The following DNM3 variants were observed in gnomAD, a reference collection of about 807,000 sequenced individuals.
The protein encoded by DNM3 is dynamin 3.
A neutral mutation model predicts 101.6 loss-of-function variants in DNM3; 47 were observed. That is an observed-to-expected ratio of 0.46 (90% confidence interval 0.37 to 0.59). The LOEUF (loss-of-function observed/expected upper bound fraction) is 0.59. Ranked by LOEUF, DNM3 falls within the 20% of genes least tolerant of loss-of-function variation. The pLI is 0.00. For missense variants in DNM3, 849 were observed against 1,085.7 expected (o/e 0.78, Z 3.06); for synonymous variants, 385 against 387.9 (o/e 0.99, Z 0.09).
intron 12 of DNM3, among the ~76,000 whole-genome samples, chr1:172,087,939 C>T (rs2053645562): frequency 6.6e-6 from 1 of 152,192 alleles, no homozygotes; most frequent in Non-Finnish European, 1.5e-5. Context: ...CCAGTCTGAC[C>T]ACTTTGGGAT....
chr1:172,406,204 G>A (rs1471631947), intron 20 of DNM3, among the ~76,000 whole-genome samples: 4 of 151,958 alleles, frequency 2.6e-5, no homozygotes, highest in Non-Finnish European at 5.9e-5. Context: ...GGGAAGGCAG[G>A]TCAGGGAAGG....
At chr1:171,852,879 G>T (rs2033141847) in intron 1 of DNM3, among the ~76,000 whole-genome samples, 1 of 149,904 alleles carries the variant, frequency 6.7e-6, no homozygotes, top group Non-Finnish European at 1.5e-5. Context: ...GGACTTTGAA[G>T]GTTTTTTGTT....
chr1:172,379,009 T>G lies in DNM3; in HGVS notation c.1894-9T>G, dbSNP rs752561010. The G allele has an allele frequency of 3.7e-6, 6 of 1,606,250 alleles. No homozygotes were observed. The highest frequency in any genetic ancestry group is 5.1e-6 in the Non-Finnish European group (6 of 1,176,874). On this transcript the variant is annotated splice_polypyrimidine_tract_variant and intron_variant, in intron 17 of 20. Coordinates refer to ENST00000627582, the MANE Select transcript of DNM3 (RefSeq NM_015569.5). The stretch of plus-strand genomic sequence containing the variant: ...GAGATAATCCATGGTTTGTTTTCTC[T>G]TCTTTTAGGCTGAAAATGATGAGAA...
intron 14 of DNM3, among the ~76,000 whole-genome samples, chr1:172,217,582 A>G (rs182961916): frequency 9.2e-5 from 14 of 152,112 alleles, no homozygotes; most frequent in Middle Eastern, 6.8e-3. Flanking sequence ...TTATTCGATC[A>G]TTTGTTGTTT....
intron 14 of DNM3, among the ~76,000 whole-genome samples, chr1:172,176,740 G>A (rs1385194975): frequency 1.3e-5 from 2 of 151,874 alleles, no homozygotes; most frequent in East Asian, 1.9e-4. Context: ...TTAGTACAGA[G>A]TGAAAAGGTA....
At chr1:172,126,382 G>A (rs922494774) in intron 13 of DNM3, among the ~76,000 whole-genome samples, 1 of 151,984 alleles carries the variant, frequency 6.6e-6, no homozygotes, top group Non-Finnish European at 1.5e-5. Context: ...AAAGCATATT[G>A]CATTGCAAGT....
intron 14 of DNM3, among the ~76,000 whole-genome samples, chr1:172,189,806 G>C (rs760353119): frequency 6.6e-5 from 10 of 151,990 alleles, no homozygotes; most frequent in Admixed American, 5.3e-4. Flanking sequence ...AGGGGAGCAG[G>C]TGCTGTGACA....
chr1:172,375,116 C>CG (rs1333604116), intron 17 of DNM3, among the ~76,000 whole-genome samples: 3 of 151,916 alleles, frequency 2.0e-5, no homozygotes, highest in African/African-American at 7.3e-5. Context: ...AATGAAACCA[C>CG]GGGGGTTTTT....
intron 4 of DNM3, among the ~76,000 whole-genome samples, chr1:172,021,202 G>A (rs575794862): frequency 1.3e-5 from 2 of 152,350 alleles, no homozygotes; most frequent in South Asian, 4.1e-4. Context: ...TGGGCACAGT[G>A]GCTCATGCCT....
At chr1:172,048,559 G>C in intron 9 of DNM3, 53 bp from the exon 10 acceptor site, 2 of 1,541,660 alleles carry the variant, frequency 1.3e-6, no homozygotes, top group Non-Finnish European at 1.7e-6. Context: ...AAAGATTTTT[G>C]AATATTACTC....
At chr1:172,247,906 A>G (rs2062022527) in intron 14 of DNM3, among the ~76,000 whole-genome samples, 1 of 151,150 alleles carries the variant, frequency 6.6e-6, no homozygotes, top group African/African-American at 2.4e-5. Flanking sequence ...GTGGTCTCAA[A>G]CTCCTGACCT....
intron 1 of DNM3, among the ~76,000 whole-genome samples, chr1:171,854,801 A>T (rs1337822493): frequency 1.3e-5 from 2 of 151,472 alleles, no homozygotes; most frequent in East Asian, 3.9e-4. Context: ...TCCTGACCTC[A>T]GGTGATTCGC....
chr1:172,049,775 G>A (rs2050076842), intron 10 of DNM3, among the ~76,000 whole-genome samples: 1 of 151,968 alleles, frequency 6.6e-6, no homozygotes, highest in African/African-American at 2.4e-5. Context: ...AAAAACCAGT[G>A]GGAAGAAAGA....
At chr1:171,939,032 A>T (rs919859751) in intron 2 of DNM3, among the ~76,000 whole-genome samples, 1 of 151,924 alleles carries the variant, frequency 6.6e-6, no homozygotes. Flanking sequence ...TTCCTTACTG[A>T]CAACACCCCA....
At chr1:172,269,239 C>T (rs2062988485) in intron 15 of DNM3, among the ~76,000 whole-genome samples, 1 of 152,176 alleles carries the variant, frequency 6.6e-6, no homozygotes, top group African/African-American at 2.4e-5. Flanking sequence ...AAATTATGTC[C>T]TTCACAGCAA....
chr1:172,305,687 G>A (rs957544448), intron 15 of DNM3, among the ~76,000 whole-genome samples: 6 of 152,130 alleles, frequency 3.9e-5, no homozygotes, highest in South Asian at 2.1e-4. Context: ...TATTCACCAC[G>A]ATCAAGTTGG....
At chr1:172,303,769 C>G (rs2064603067) in intron 15 of DNM3, among the ~76,000 whole-genome samples, 1 of 152,108 alleles carries the variant, frequency 6.6e-6, no homozygotes, top group African/African-American at 2.4e-5. Flanking sequence ...ATTTCATATC[C>G]AGCCAAACTA....
intron 4 of DNM3, among the ~76,000 whole-genome samples, chr1:172,011,223 A>T (rs2047105475): frequency 6.6e-6 from 1 of 151,966 alleles, no homozygotes; most frequent in Non-Finnish European, 1.5e-5. Context: ...GGGAACTTAA[A>T]TGATTCCCAT....
chr1:172,301,481 AAC>A (rs1413333877), intron 15 of DNM3, among the ~76,000 whole-genome samples: 1 of 152,210 alleles, frequency 6.6e-6, no homozygotes, highest in African/African-American at 2.4e-5. Context: ...CAGCTCAGGC[AAC>A]AGAGAGACAT....
Sources: allele counts gnomAD v4.1 joint callset (sites outside exome capture counted in the v4.1 genomes callset), GRCh38; gene constraint gnomAD v4.1.1; transcripts MANE v1.5; gene names NCBI Gene and HGNC (gene_info 2026-07-23, HGNC 2026-07-21).